Variants in ABCD3 observed in about 807,000 individuals in gnomAD.
The protein encoded by ABCD3 is ATP-binding cassette sub-family D member 3.
In ABCD3, 41 loss-of-function variants were observed where a neutral mutation model predicts 105.5. The observed-to-expected ratio is 0.39, with a 90% confidence interval of 0.30 to 0.50. The LOEUF (loss-of-function observed/expected upper bound fraction) is 0.50, where lower values mean the gene tolerates loss of function less well. Among genes scored for constraint, ABCD3 ranks in the 20% least tolerant of loss-of-function variants. The pLI, the probability that ABCD3 is intolerant of heterozygous loss-of-function variation, is 0.84. For synonymous variants in ABCD3, 258 were observed against 269.0 expected (o/e 0.96, Z 0.40); for missense variants, 622 against 806.3 (o/e 0.77, Z 2.77).
At chr1:94,510,507 T>A (rs576472767) in intron 21 of ABCD3, among the ~76,000 whole-genome samples, 4 of 152,280 alleles carry the variant, frequency 2.6e-5, no homozygotes, top group African/African-American at 9.6e-5. Context: ...CTATTAGGTC[T>A]GCTTGGTGCA....
intron 21 of ABCD3, among the ~76,000 whole-genome samples, chr1:94,512,710 C>CT (rs1650742294): frequency 1.3e-5 from 2 of 152,094 alleles, no homozygotes; most frequent in African/African-American, 4.8e-5. Flanking sequence ...TGGTTCCATT[C>CT]TTTAAGTAAT....
At chr1:94,514,403 C>G (rs1372746129) in intron 21 of ABCD3, 1 of 151,798 alleles carries the variant, frequency 6.6e-6, no homozygotes, top group African/African-American at 2.4e-5. Flanking sequence ...TGGTTGAGAA[C>G]CACTGATCTA....
At chr1:94,496,698 T>G (rs1400623913) in intron 16 of ABCD3, among the ~76,000 whole-genome samples, 6 of 63,710 alleles carry the variant, frequency 9.4e-5, no homozygotes, top group South Asian at 4.4e-4. Flanking sequence ...GTTTCTGTTT[T>G]TTTTTTTTTT....
At chr1:94,462,834 A>T (rs1426022163) in intron 2 of ABCD3, among the ~76,000 whole-genome samples, 2 of 152,108 alleles carry the variant, frequency 1.3e-5, no homozygotes, top group Non-Finnish European at 2.9e-5. Flanking sequence ...GTGAGGAGGG[A>T]GTGGTGATGG....
chr1:94,494,597 A>G (rs781756094), intron 16 of ABCD3, among the ~76,000 whole-genome samples: 1 of 152,208 alleles, frequency 6.6e-6, no homozygotes, highest in Non-Finnish European at 1.5e-5. Flanking sequence ...AGGCATAATA[A>G]AACAGACTTG....
chr1:94,467,180 A>G (rs1648180747), intron 3 of ABCD3, among the ~76,000 whole-genome samples: 1 of 152,196 alleles, frequency 6.6e-6, no homozygotes, highest in South Asian at 2.1e-4. Flanking sequence ...GTACAGTACC[A>G]TAGTTCATAT....
At chr1:94,508,687 C>G (rs1056344721) in intron 21 of ABCD3, among the ~76,000 whole-genome samples, 28 of 150,680 alleles carry the variant, frequency 1.9e-4, no homozygotes, top group Non-Finnish European at 5.9e-5. Context: ...GTTTGTAGTT[C>G]TCCTTGAAGA....
chr1:94,397,606 T>C, the ABCD3 span, among the ~76,000 whole-genome samples: 1 of 152,216 alleles, frequency 6.6e-6, no homozygotes. Context: ...CAACATGTGC[T>C]CATCAATTTC....
At chr1:94,455,325 ATTT>A (rs142959399) in intron 1 of ABCD3, among the ~76,000 whole-genome samples, 4 of 143,878 alleles carry the variant, frequency 2.8e-5, no homozygotes, top group Non-Finnish European at 3.1e-5. Context: ...TTATAAATGA[ATTT>A]TTTTTTTTTT....
chr1:94,486,881 A>G (rs538443494), intron 10 of ABCD3, among the ~76,000 whole-genome samples: 23 of 152,370 alleles, frequency 1.5e-4, no homozygotes, highest in Non-Finnish European at 3.1e-4. Context: ...AAGTAGAAGC[A>G]TATGACCTTA....
intron 1 of ABCD3, among the ~76,000 whole-genome samples, chr1:94,442,009 GAA>G (rs1253054180): frequency 1.3e-5 from 2 of 152,136 alleles, no homozygotes; most frequent in Admixed American, 6.5e-5. Flanking sequence ...TTATATAAGA[GAA>G]AGTCTTTGTT....
chr1:94,480,751 GTT>G, intron 9 of ABCD3, 145 bp downstream of exon 9: 1 of 862,140 alleles, frequency 1.2e-6, no homozygotes, highest in Non-Finnish European at 1.8e-6. Flanking sequence ...AAAGAGACTA[GTT>G]TTATAAAGTA....
At chr1:94,491,144 T>C in intron 15 of ABCD3, 40 bp from the exon 16 acceptor site, 1 of 1,420,230 alleles carries the variant, frequency 7.0e-7, no homozygotes. Flanking sequence ...GTTCCTTATA[T>C]ACTTTAAAGT....
At chr1:94,433,991 G>T (rs1659795876) in intron 1 of ABCD3, among the ~76,000 whole-genome samples, 1 of 151,972 alleles carries the variant, frequency 6.6e-6, no homozygotes, top group Non-Finnish European at 1.5e-5. Flanking sequence ...TTAAAATATG[G>T]CATAAAAGAT....
At chr1:94,483,458 T>C (rs1310904482) in intron 10 of ABCD3, among the ~76,000 whole-genome samples, 1 of 152,162 alleles carries the variant, frequency 6.6e-6, no homozygotes, top group Non-Finnish European at 1.5e-5. Context: ...CAAGTGCCCA[T>C]TTATAAAATT....
intron 1 of ABCD3, among the ~76,000 whole-genome samples, chr1:94,450,156 C>T (rs577392963): frequency 1.3e-4 from 20 of 152,332 alleles, no homozygotes; most frequent in African/African-American, 4.3e-4. Context: ...CTTGGACGAT[C>T]TGTGATTTCA....
At chr1:94,416,372 G>A (rs1659006355), upstream of ABCD3, among the ~76,000 whole-genome samples, 1 of 152,130 alleles carries the variant, frequency 6.6e-6, no homozygotes. Context: ...ATAGCACCTT[G>A]TTCATATCTC....
the ABCD3 span, among the ~76,000 whole-genome samples, chr1:94,401,288 T>G: frequency 1.3e-5 from 2 of 152,244 alleles, no homozygotes; most frequent in Non-Finnish European, 2.9e-5. Context: ...GCATGTATAG[T>G]CGTAGGCCTG....
chr1:94,513,113 G>GT (rs1216221424), intron 21 of ABCD3, among the ~76,000 whole-genome samples: 4 of 152,072 alleles, frequency 2.6e-5, no homozygotes, highest in African/African-American at 9.7e-5. Context: ...GCTATTCTTT[G>GT]TAGAAAGATT....
Sources: gnomAD v4.1 joint callset for allele counts (sites outside exome capture counted in the v4.1 genomes callset) on GRCh38, gnomAD v4.1.1 for gene constraint, MANE v1.5 for transcripts, NCBI Gene and HGNC (gene_info 2026-07-23, HGNC 2026-07-21) for gene names.